The following KANK1 variants were observed in gnomAD, a reference collection of about 807,000 sequenced individuals.
KANK1 encodes the protein KN motif and ankyrin repeat domain-containing protein 1.
A neutral mutation model predicts 106.2 loss-of-function variants in KANK1; 109 were observed. The ratio of observed to expected loss-of-function variants is 1.03; its 90% confidence interval spans 0.88 to 1.20. KANK1 has a LOEUF of 1.20. Ranked by LOEUF, KANK1 falls within the 50% of genes most tolerant of loss-of-function variation. The pLI is 0.00. For synonymous variants in KANK1, 873 were observed against 652.2 expected, an observed-to-expected ratio of 1.34 and a Z score of -5.16; for missense variants, 2,399 against 1,710.7, an observed-to-expected ratio of 1.40 and a Z score of -7.10.
chr9:537,971 T>C (rs542271813), intron 1 of KANK1, among the ~76,000 whole-genome samples: 3 of 152,346 alleles, frequency 2.0e-5, no homozygotes, highest in South Asian at 4.1e-4. Flanking sequence ...ACACAACAAG[T>C]TGCCCTGAGT....
intron 1 of KANK1, chr9:660,142 T>C (rs1359292097): frequency 8.6e-6 from 3 of 348,202 alleles, no homozygotes; most frequent in African/African-American, 2.2e-5. Context: ...GGACTGCTGA[T>C]GATTATGATA....
chr9:608,514 A>G (rs140050593), intron 1 of KANK1, among the ~76,000 whole-genome samples: 1,716 of 151,870 alleles, frequency 0.011, 69 homozygotes, highest in African/African-American at 0.039. Flanking sequence ...AGCATGTGAG[A>G]TGAAGATGAT....
At chr9:671,194 C>A (rs1185935017) in intron 1 of KANK1, among the ~76,000 whole-genome samples, 1 of 151,078 alleles carries the variant, frequency 6.6e-6, no homozygotes, top group Middle Eastern at 3.2e-3. Context: ...GAAATTCCTA[C>A]CATTGCATTT....
At chr9:478,160 C>A in intron 3 of KANK1, 1 of 183,288 alleles carries the variant, frequency 5.5e-6, no homozygotes, top group Non-Finnish European at 1.2e-5. Flanking sequence ...AGTGGAAATG[C>A]CATTTTTCAT....
At chr9:675,139 TATACAC>T (rs1816133126) in intron 1 of KANK1, among the ~76,000 whole-genome samples, 1 of 152,236 alleles carries the variant, frequency 6.6e-6, no homozygotes, top group Non-Finnish European at 1.5e-5. Context: ...AATGTGTACA[TATACAC>T]ATACATATTT....
rs555240821 is a variant in KANK1, at chr9:695,777, T to C, written c.38-15027T>C. Among the ~76,000 whole-genome samples, 4 of 152,240 alleles carry C rather than the reference T, an allele frequency of 2.6e-5. No homozygotes were observed. In the South Asian group the frequency reaches 6.2e-4, roughly 24 times the overall value. ...CACTGATGCAGGTACTATTATTTTC[T>C]CAAACAATTGGAATATAGTCTAATT... On this transcript the variant is annotated intron_variant, in intron 2 of 11. Transcript: ENST00000382297.
intron 1 of KANK1, among the ~76,000 whole-genome samples, chr9:608,774 A>G (rs775401327): frequency 6.6e-6 from 1 of 152,224 alleles, no homozygotes; most frequent in Non-Finnish European, 1.5e-5. Flanking sequence ...GGCAACTCAC[A>G]GAGTTACTTA....
intron 1 of KANK1, among the ~76,000 whole-genome samples, chr9:541,144 A>G (rs1424804539): frequency 1.3e-5 from 2 of 152,166 alleles, no homozygotes; most frequent in Non-Finnish European, 2.9e-5. Flanking sequence ...ACAAAAAAAC[A>G]GAGAGCTGGA....
chr9:722,413 T>TTTTAA (rs1829588280), intron 3 of KANK1, among the ~76,000 whole-genome samples: 1 of 152,150 alleles, frequency 6.6e-6, no homozygotes. Context: ...TTTTTTAAAG[T>TTTTAA]CTCACCCTCG....
intron 1 of KANK1, among the ~76,000 whole-genome samples, chr9:552,207 G>T (rs894274571): frequency 1.3e-5 from 2 of 152,178 alleles, no homozygotes; most frequent in Admixed American, 1.3e-4. Context: ...AGCGGAAATA[G>T]CATATGCAGA....
chr9:724,904 A>C (rs560930350), intron 3 of KANK1, among the ~76,000 whole-genome samples: 1 of 152,242 alleles, frequency 6.6e-6, no homozygotes, highest in Non-Finnish European at 1.5e-5. Flanking sequence ...TGGAGAAGGA[A>C]AAATGAAGAT....
Position 730,229 on chromosome 9 carries a change from G to C in KANK1, c.2877G>C (p.Gln959His). Residue 959 changes from glutamine (Q) to histidine (H), a missense_variant, in exon 4 of 12, where the codon CAG (glutamine) becomes CAC (histidine). By Grantham distance (24) the Gln-to-His change is conservative. Transcript: ENST00000382297. ...CTCCAGTGAACCTGACAGACGACCAGATCGCCGCTGGCCTCTATGGTAACT... is the reference window on the plus strand; with the variant it reads ...CTCCAGTGAACCTGACAGACGACCACATCGCCGCTGGCCTCTATGGTAACT... Reference protein sequence around the residue: ...TLSPVNLTDDQIAAGLYACTN... With the variant: ...TLSPVNLTDDHIAAGLYACTN... 6.2e-6 allele frequency: 10 copies of C among 1,614,206 alleles called. No individual in the cohort carries two copies. The highest frequency in any genetic ancestry group is 8.5e-6 in the Non-Finnish European group (10 of 1,180,032).
rs759773245 is a variant in KANK1, at chr9:745,227, T to TTTGA, written c.4059_*3dup. 47 of 1,614,086 alleles carry TTTGA rather than the reference T, an allele frequency of 2.9e-5. No homozygotes were observed. Among genetic ancestry groups the TTTGA allele is most frequent in the East Asian group, 8.9e-5 (4 of 44,874 alleles). ...TCCTGGCCCCACCCACCGAGGTTCATTTGATTGATTGTATGCAAATAGCCC... is the reference window on the plus strand; with the variant it reads ...TCCTGGCCCCACCCACCGAGGTTCATTTGATTGATTGATTGTATGCAAATAGCCC... On this transcript the variant is annotated frameshift_variant, in exon 12 of 12. Coordinates refer to ENST00000382297, the MANE Select transcript of KANK1 (RefSeq NM_015158.5). LOFTEE classifies it high-confidence loss of function.
At chr9:540,519 G>A (rs751837260) in intron 1 of KANK1, 1 of 152,176 alleles carries the variant, frequency 6.6e-6, no homozygotes, top group Non-Finnish European at 1.5e-5. Flanking sequence ...GTCCTTGCTG[G>A]CCTTGCAAAA....
chr9:554,857 G>C (rs1326274740), intron 1 of KANK1, among the ~76,000 whole-genome samples: 1 of 152,166 alleles, frequency 6.6e-6, no homozygotes, highest in African/African-American at 2.4e-5. Flanking sequence ...TAAAAAACGA[G>C]ATCTTTCGTG....
intron 1 of KANK1, among the ~76,000 whole-genome samples, chr9:637,599 A>G (rs1273074572): frequency 6.6e-6 from 1 of 152,198 alleles, no homozygotes; most frequent in Non-Finnish European, 1.5e-5. Flanking sequence ...TTCCCAGATG[A>G]TGCTAATGCT....
intron 1 of KANK1, among the ~76,000 whole-genome samples, chr9:675,492 CAG>C (rs1462945198): frequency 6.6e-6 from 1 of 152,076 alleles, no homozygotes; most frequent in African/African-American, 2.4e-5. Context: ...AAAGGGGAAA[CAG>C]TATACTTTTT....
At chr9:662,553 C>CCTGACAAAT (rs59879158) in intron 1 of KANK1, among the ~76,000 whole-genome samples, 3 of 151,758 alleles carry the variant, frequency 2.0e-5, no homozygotes, top group African/African-American at 7.3e-5. Flanking sequence ...CTTTGACAAA[C>CCTGACAAAT]ACAAGAAATG....
chr9:485,733 T>G (rs2058280910), intron 3 of KANK1, among the ~76,000 whole-genome samples: 1 of 151,998 alleles, frequency 6.6e-6, no homozygotes, highest in Non-Finnish European at 1.5e-5. Flanking sequence ...TAGCTGGATG[T>G]GGTGGCGCAT....
Sources: allele counts gnomAD v4.1 joint callset (sites outside exome capture counted in the v4.1 genomes callset), GRCh38; gene constraint gnomAD v4.1.1; transcripts MANE v1.5; gene names NCBI Gene and HGNC (gene_info 2026-07-23, HGNC 2026-07-21).